MAPK10: variants seen among roughly 807,000 people sequenced by gnomAD.
MAPK10 encodes JNK3 alpha protein kinase.
A neutral mutation model predicts 59.3 loss-of-function variants in MAPK10; 25 were observed. The ratio of observed to expected loss-of-function variants is 0.42; its 90% CI spans 0.31 to 0.59. MAPK10 has a LOEUF of 0.59. Among genes scored for constraint, MAPK10 ranks in the 20% least tolerant of loss-of-function variants. The pLI, the probability that MAPK10 is intolerant of heterozygous loss-of-function variation, is 0.15. For missense variants in MAPK10, 351 were observed against 568.9 expected (o/e 0.62, Z 3.90); for synonymous variants, 190 against 200.5 (o/e 0.95, Z 0.44).
chr4:86,209,182 A>T (rs1178568575), intron 2 of MAPK10, among the ~76,000 whole-genome samples: 2 of 152,150 alleles, frequency 1.3e-5, no homozygotes, highest in Non-Finnish European at 2.9e-5. Context: ...CCATGAGAGA[A>T]ATGTATTCAT....
intron 1 of MAPK10, among the ~76,000 whole-genome samples, chr4:86,393,704 T>C (rs1234851174): frequency 6.6e-6 from 1 of 152,180 alleles, no homozygotes; most frequent in Non-Finnish European, 1.5e-5. Flanking sequence ...TGTCACTATA[T>C]CTGTGGGTAA....
chr4:86,314,485 G>T (rs1335650148), intron 2 of MAPK10, among the ~76,000 whole-genome samples: 1 of 152,100 alleles, frequency 6.6e-6, no homozygotes, highest in East Asian at 1.9e-4. Flanking sequence ...TGCCATGTAA[G>T]AAGTGCCTTT....
At chr4:86,351,395 A>AC (rs1564636521) in intron 2 of MAPK10, among the ~76,000 whole-genome samples, 6 of 69,322 alleles carry the variant, frequency 8.7e-5, no homozygotes, top group East Asian at 5.5e-4. Context: ...GTGTATACAC[A>AC]AACACACACA....
Position 86,211,736 on chromosome 4 carries a change from C to T in MAPK10, c.-6-17329G>A, listed in dbSNP as rs148778571. The stretch of plus-strand genomic sequence containing the variant: ...TTCTACATAATTTAAGAGGCTAATG[C>T]ACTGAGAAGAACTGCTTGTTTTTGG... On this transcript the variant is annotated intron_variant, in intron 2 of 13. Transcript: ENST00000641462. 6.5e-3 allele frequency among the ~76,000 whole-genome samples: 985 copies of T among 152,136 alleles called. 4 individuals are homozygous for T. Among genetic ancestry groups the T allele is most frequent in the Middle Eastern group, 0.014 (4 of 294 alleles).
chr4:86,490,985 G>C (rs533368080), intron 1 of MAPK10, among the ~76,000 whole-genome samples: 2 of 152,256 alleles, frequency 1.3e-5, no homozygotes, highest in African/African-American at 4.8e-5. Flanking sequence ...CTTTAAAAAC[G>C]TGCTATCTAG....
intron 3 of MAPK10, among the ~76,000 whole-genome samples, chr4:86,174,209 A>G (rs981141364): frequency 1.1e-4 from 17 of 151,952 alleles, no homozygotes; most frequent in Admixed American, 9.8e-4. Context: ...TAGCAAAGAC[A>G]TGACAAACCC....
intron 1 of MAPK10, among the ~76,000 whole-genome samples, chr4:86,494,253 C>T (rs977024621): frequency 1.3e-5 from 2 of 152,160 alleles, no homozygotes; most frequent in African/African-American, 4.8e-5. Context: ...AGGAGTATTT[C>T]ACCAGAAAGG....
chr4:86,091,235 G>T (rs1177173253), intron 9 of MAPK10: 1 of 151,030 alleles, frequency 6.6e-6, no homozygotes, highest in Non-Finnish European at 1.5e-5. Flanking sequence ...TTTGGAAAAG[G>T]TTTATTTATT....
At chr4:86,586,834 T>C (rs1165377878) in intron 1 of MAPK10, among the ~76,000 whole-genome samples, 1 of 152,104 alleles carries the variant, frequency 6.6e-6, no homozygotes, top group Non-Finnish European at 1.5e-5. Flanking sequence ...ACAAAAGAAG[T>C]TCATTTGCAA....
At chr4:86,336,872 G>A (rs1721768271) in intron 2 of MAPK10, among the ~76,000 whole-genome samples, 1 of 136,910 alleles carries the variant, frequency 7.3e-6, no homozygotes. Flanking sequence ...CTCGCTGCAA[G>A]CTCTGCCTCC....
At chr4:86,509,712 C>G (rs1408512655) in intron 1 of MAPK10, among the ~76,000 whole-genome samples, 2 of 152,112 alleles carry the variant, frequency 1.3e-5, no homozygotes, top group Non-Finnish European at 2.9e-5. Flanking sequence ...GATGCTTTAC[C>G]TAAAAATTTT....
intron 1 of MAPK10, among the ~76,000 whole-genome samples, chr4:86,536,011 C>G (rs1048037794): frequency 2.6e-5 from 4 of 152,156 alleles, no homozygotes; most frequent in African/African-American, 9.7e-5. Context: ...TATAGTAATG[C>G]AATAAGGAAG....
At chr4:86,539,269 G>C (rs1758490744) in intron 1 of MAPK10, among the ~76,000 whole-genome samples, 1 of 152,302 alleles carries the variant, frequency 6.6e-6, no homozygotes, top group South Asian at 2.1e-4. Context: ...AAAAAAATCT[G>C]AAAGAGCAAT....
chr4:86,019,203 G>A (rs1207077176), intron 13 of MAPK10, among the ~76,000 whole-genome samples: 4 of 152,112 alleles, frequency 2.6e-5, no homozygotes, highest in South Asian at 2.1e-4. Context: ...ATTTCTTCCC[G>A]GTCATTCTTT....
intron 2 of MAPK10, among the ~76,000 whole-genome samples, chr4:86,274,902 G>A (rs2094530674): frequency 6.6e-6 from 1 of 151,958 alleles, no homozygotes. Context: ...TTAAATGGAA[G>A]ATAAGAAGGA....
At chr4:86,179,608 G>C (rs1345930669) in intron 3 of MAPK10, among the ~76,000 whole-genome samples, 1 of 151,998 alleles carries the variant, frequency 6.6e-6, no homozygotes, top group Non-Finnish European at 1.5e-5. Context: ...ATACTACAAG[G>C]CTATAGTAAC....
At chr4:86,343,789 C>A (rs1726496739) in intron 2 of MAPK10, among the ~76,000 whole-genome samples, 1 of 152,086 alleles carries the variant, frequency 6.6e-6, no homozygotes, top group South Asian at 2.1e-4. Flanking sequence ...AATTCAGCTG[C>A]CTTCTGTTAA....
chr4:86,521,894 G>T (rs1286453679), intron 1 of MAPK10, among the ~76,000 whole-genome samples: 1 of 152,166 alleles, frequency 6.6e-6, no homozygotes, highest in Non-Finnish European at 1.5e-5. Flanking sequence ...AAGTTCAGCT[G>T]GGAGCTTCCT....
At position 86,359,785 on chromosome 4, in the gene MAPK10, T is replaced by C. The variant is rs1736502405; in HGVS notation, c.-249A>G. On this transcript the variant is annotated 5_prime_UTR_variant, in exon 1 of 14. Transcript: ENST00000641462. ...ATTCTTTGGAGATATGGAGATTGTT[T>C]AAAATTAACGATGGACAGGTGATTT... 1.0e-6 allele frequency: 1 copy of C among 985,580 alleles called. No homozygotes were observed. The highest frequency in any genetic ancestry group is 1.1e-4 in the East Asian group (1 of 8,816). The allele number at this position is 985,580 out of a possible 1,614,324, so 61.1% of individuals were successfully genotyped here.
Sources: allele counts gnomAD v4.1 joint callset (sites outside exome capture counted in the v4.1 genomes callset), GRCh38; gene constraint gnomAD v4.1.1; transcripts MANE v1.5; gene names NCBI Gene and HGNC (gene_info 2026-07-23, HGNC 2026-07-21).